RASA3: variants seen among roughly 807,000 people sequenced by gnomAD.
RASA3 encodes ras GTPase-activating protein 3.
In RASA3, 73 loss-of-function variants were observed where a neutral mutation model predicts 110.0. That is an observed-to-expected ratio of 0.66 (90% CI 0.55 to 0.81). RASA3 has a LOEUF of 0.81. Among genes scored for constraint, RASA3 ranks in the 30% least tolerant of loss-of-function variants. The pLI, the probability that RASA3 is intolerant of heterozygous loss-of-function variation, is 0.00. For missense variants in RASA3, 976 were observed against 1,113.2 expected (o/e 0.88, Z 1.75); for synonymous variants, 500 against 451.4 (o/e 1.11, Z -1.37).
chr13:114,100,076 G>C (rs1398623617), intron 1 of RASA3, among the ~76,000 whole-genome samples: 2 of 150,768 alleles, frequency 1.3e-5, no homozygotes, highest in Non-Finnish European at 3.0e-5. Context: ...CTCTGGAAGA[G>C]CGGCAGGCCA....
At chr13:114,000,541 A>C (rs1014677172) in intron 19 of RASA3, among the ~76,000 whole-genome samples, 3 of 152,124 alleles carry the variant, frequency 2.0e-5, no homozygotes, top group African/African-American at 7.2e-5. Context: ...CCAGAGGAGG[A>C]AGGGACGTGG....
intron 3 of RASA3, among the ~76,000 whole-genome samples, chr13:114,041,790 T>A (rs2054414509): frequency 6.6e-6 from 1 of 152,148 alleles, no homozygotes; most frequent in Admixed American, 6.5e-5. Context: ...GCGACGTGGG[T>A]TGGTCTGAAT....
At chr13:113,990,674 G>A (rs962890029) in intron 22 of RASA3, among the ~76,000 whole-genome samples, 2 of 152,226 alleles carry the variant, frequency 1.3e-5, no homozygotes, top group South Asian at 2.1e-4. Context: ...AAGACGCTGT[G>A]GTGGGTGGTG....
At chr13:114,043,509 T>C (rs1458062771) in intron 3 of RASA3, among the ~76,000 whole-genome samples, 1 of 152,078 alleles carries the variant, frequency 6.6e-6, no homozygotes. Context: ...TACCCGGACG[T>C]AGATACAGCA....
chr13:114,040,727 G>A (rs529523725), intron 4 of RASA3, among the ~76,000 whole-genome samples: 4 of 148,736 alleles, frequency 2.7e-5, no homozygotes, highest in African/African-American at 5.0e-5. Context: ...CGCTCACTCC[G>A]AGCACAAGCG....
At chr13:114,077,981 G>T in intron 1 of RASA3, 1 of 913,328 alleles carries the variant, frequency 1.1e-6, no homozygotes, top group Non-Finnish European at 1.3e-6. Context: ...TGTTAATAAA[G>T]CATTGAAACA....
At chr13:114,066,596 T>G (rs1253794268) in intron 2 of RASA3, among the ~76,000 whole-genome samples, 3 of 152,192 alleles carry the variant, frequency 2.0e-5, no homozygotes, top group African/African-American at 7.2e-5. Context: ...GGCCTGGGCC[T>G]GGGGCAGCCT....
At chr13:114,110,854 C>T (rs1451618233) in intron 1 of RASA3, among the ~76,000 whole-genome samples, 1 of 152,218 alleles carries the variant, frequency 6.6e-6, no homozygotes, top group Non-Finnish European at 1.5e-5. Flanking sequence ...TGAGAATCCT[C>T]CTGAGAGAGC....
At chr13:114,027,275 C>G in intron 7 of RASA3, 114 bp downstream of exon 7, 1 of 973,552 alleles carries the variant, frequency 1.0e-6, no homozygotes, top group Non-Finnish European at 1.5e-6. Flanking sequence ...GCTCGCTCCT[C>G]TCCGGAAGGA....
chr13:114,050,206 G>A (rs2079121782), intron 3 of RASA3, among the ~76,000 whole-genome samples: 1 of 152,196 alleles, frequency 6.6e-6, no homozygotes. Flanking sequence ...GGGGGTGCAG[G>A]GGTCACGCTG....
At chr13:114,080,695 C>CTGAAACAGGGGTCTCCCCCAGGGGCCAT in intron 1 of RASA3, among the ~76,000 whole-genome samples, 1 of 152,198 alleles carries the variant, frequency 6.6e-6, no homozygotes, top group East Asian at 1.9e-4. Context: ...CCAGGGGCCA[C>CTGAAACAGGGGTCTCCCCCAGGGGCCAT]TGAAACAGGG....
chr13:114,074,915 GA>G (rs2079642487), intron 1 of RASA3, among the ~76,000 whole-genome samples: 1 of 152,260 alleles, frequency 6.6e-6, no homozygotes, highest in Non-Finnish European at 1.5e-5. Flanking sequence ...GAGTGAGCAG[GA>G]AGGGATGAGT....
At chr13:113,996,777 G>C (rs182137769) in intron 20 of RASA3, 38 bp from the exon 21 acceptor site, 8 of 1,573,122 alleles carry the variant, frequency 5.1e-6, no homozygotes, top group Non-Finnish European at 7.0e-6. Context: ...CGCACATGAG[G>C]TCTCGTGGCT....
At chr13:114,020,863 AGCGCAGCCGCG>A (rs960245993) in intron 9 of RASA3, among the ~76,000 whole-genome samples, 19 of 152,302 alleles carry the variant, frequency 1.2e-4, no homozygotes, top group Admixed American at 1.1e-3. Context: ...CAAGACCCGG[AGCGCAGCCGCG>A]GCGCAGCCCT....
rs1271466460 is a variant in RASA3 at position 113,996,715 on chromosome 13, G to A, written c.1957C>T (p.Arg653Cys). Reference sequence around the variant, plus strand: ...TTGTTGGCCTGGATGTACAGCGCACGCTCTGGCTGGATGACCTGGAACATC... The same window carrying A: ...TTGTTGGCCTGGATGTACAGCGCACACTCTGGCTGGATGACCTGGAACATC... Reference protein sequence around the residue: ...KNMFQVIQPERALYIQANNCV... With the variant: ...KNMFQVIQPECALYIQANNCV... Residue 653 changes from arginine to cysteine, a missense_variant, in exon 21 of 24, where the codon CGT becomes TGT. By Grantham distance (180) the Arg-to-Cys change is radical (BLOSUM62 -3). Transcript: ENST00000334062. The A allele has an allele frequency of 3.7e-6, 6 of 1,613,728 alleles. No individual in the cohort carries two copies. The highest frequency in any genetic ancestry group is 2.2e-5 in the East Asian group (1 of 44,884).
At chr13:114,038,142 G>A (rs1347019316) in intron 4 of RASA3, among the ~76,000 whole-genome samples, 1 of 151,800 alleles carries the variant, frequency 6.6e-6, no homozygotes, top group East Asian at 1.9e-4. Flanking sequence ...ACTTGAATCC[G>A]AGGCAAACGA....
At chr13:114,107,292 A>G (rs61971968) in intron 1 of RASA3, among the ~76,000 whole-genome samples, 14 of 130,382 alleles carry the variant, frequency 1.1e-4, no homozygotes, top group Non-Finnish European at 1.8e-4. Context: ...CCTCCTTCGT[A>G]TCCTGACCCT....
chr13:114,018,463 C>G (rs867023326), intron 10 of RASA3, among the ~76,000 whole-genome samples: 1 of 152,196 alleles, frequency 6.6e-6, no homozygotes, highest in Non-Finnish European at 1.5e-5. Flanking sequence ...TCTAGCGACC[C>G]CCCCATGCAG....
chr13:114,018,082 C>A, intron 11 of RASA3, 22 bp downstream of exon 11: 2 of 1,496,874 alleles, frequency 1.3e-6, no homozygotes, highest in Non-Finnish European at 1.8e-6. Context: ...CCGCTCTCCC[C>A]CGGGGCAGGG....
Sources: allele counts gnomAD v4.1 joint callset (sites outside exome capture counted in the v4.1 genomes callset), GRCh38; gene constraint gnomAD v4.1.1; transcripts MANE v1.5; gene names NCBI Gene and HGNC (gene_info 2026-07-23, HGNC 2026-07-21).